The following PPFIA2 variants were observed in gnomAD, a reference collection of about 807,000 sequenced individuals.
PPFIA2 encodes liprin-alpha-2.
PPFIA2 carries 46 observed loss-of-function variants against 175.5 expected under a neutral mutation model. The ratio of observed to expected loss-of-function variants is 0.26; its 90% CI spans 0.21 to 0.34. The LOEUF (loss-of-function observed/expected upper bound fraction) is 0.34. Ranked by LOEUF, PPFIA2 falls within the 10% of genes least tolerant of loss-of-function variation. The pLI, the probability that PPFIA2 is intolerant of heterozygous loss-of-function variation, is 1.00. For synonymous variants in PPFIA2, 568 were observed against 511.4 expected, an observed-to-expected ratio of 1.11 and a Z score of -1.49; for missense variants, 1,179 against 1,506.1, an observed-to-expected ratio of 0.78 and a Z score of 3.60.
intron 4 of PPFIA2, among the ~76,000 whole-genome samples, chr12:81,513,341 G>A (rs1017438520): frequency 6.6e-6 from 1 of 152,004 alleles, no homozygotes; most frequent in Non-Finnish European, 1.5e-5. Flanking sequence ...AAACAGTATG[G>A]AAATTCCACA....
At chr12:81,575,281 C>A (rs2073310764) in intron 4 of PPFIA2, among the ~76,000 whole-genome samples, 1 of 151,706 alleles carries the variant, frequency 6.6e-6, no homozygotes, top group Admixed American at 6.6e-5. Context: ...GTAATCGTTC[C>A]ACCAAATGAT....
At chr12:81,322,081 C>T (rs1187970583) in intron 22 of PPFIA2, among the ~76,000 whole-genome samples, 2 of 152,152 alleles carry the variant, frequency 1.3e-5, no homozygotes, top group Non-Finnish European at 2.9e-5. Flanking sequence ...GAGCAGTTCT[C>T]CCACCTCAGC....
intron 9 of PPFIA2, among the ~76,000 whole-genome samples, chr12:81,379,416 G>A (rs1718436226): frequency 6.6e-6 from 1 of 152,084 alleles, no homozygotes. Context: ...AGGCAACACT[G>A]AGATGTATTT....
intron 4 of PPFIA2, among the ~76,000 whole-genome samples, chr12:81,464,343 A>T (rs2055190341): frequency 6.6e-6 from 1 of 152,154 alleles, no homozygotes; most frequent in Non-Finnish European, 1.5e-5. Context: ...CACAGATGAG[A>T]AAAGTAGAAG....
intron 4 of PPFIA2, among the ~76,000 whole-genome samples, chr12:81,614,181 G>A (rs1177027793): frequency 2.6e-5 from 4 of 152,078 alleles, no homozygotes; most frequent in Admixed American, 1.3e-4. Flanking sequence ...TGCACACACA[G>A]TATGCTAATC....
At chr12:81,412,511 A>G (rs2044171652) in intron 7 of PPFIA2, among the ~76,000 whole-genome samples, 1 of 151,916 alleles carries the variant, frequency 6.6e-6, no homozygotes, top group South Asian at 2.1e-4. Flanking sequence ...TCTTGGTAAA[A>G]GACCCTGAGA....
chr12:81,609,089 A>G (rs1181110824), intron 4 of PPFIA2, among the ~76,000 whole-genome samples: 1 of 138,678 alleles, frequency 7.2e-6, no homozygotes, highest in Non-Finnish European at 1.5e-5. Context: ...TTTGTATACT[A>G]TAGATTTTTT....
chr12:81,662,236 C>A (rs529868281), intron 4 of PPFIA2, among the ~76,000 whole-genome samples: 1 of 151,884 alleles, frequency 6.6e-6, no homozygotes, highest in Non-Finnish European at 1.5e-5. Flanking sequence ...ATAAAAAAAC[C>A]CTTCAAAAAA....
At chr12:81,413,628 A>G (rs1355605808) in intron 7 of PPFIA2, among the ~76,000 whole-genome samples, 1 of 151,804 alleles carries the variant, frequency 6.6e-6, no homozygotes, top group African/African-American at 2.4e-5. Context: ...AGTAATAGGC[A>G]ATTTCATTGC....
intron 22 of PPFIA2, chr12:81,312,247 C>A (rs2051109040): frequency 1.5e-6 from 2 of 1,322,838 alleles, no homozygotes; most frequent in Non-Finnish European, 1.0e-6. Flanking sequence ...CCAAAGAAAA[C>A]CATGGAATAA....
chr12:81,290,383 G>C (rs889282380), intron 24 of PPFIA2, among the ~76,000 whole-genome samples: 3 of 151,838 alleles, frequency 2.0e-5, no homozygotes, highest in Middle Eastern at 6.8e-3. Context: ...AATGCAAATT[G>C]TATTGGAAAT....
chr12:81,375,857 A>T lies in PPFIA2; in HGVS notation c.1070T>A (p.Ile357Lys), dbSNP rs1161706418. Residue 357 changes from isoleucine to lysine, a missense_variant, in exon 10 of 33, where the codon ATA becomes AAA. Physicochemically the swap from Ile to Lys is moderately radical, Grantham distance 102. This residue lies in a region of PPFIA2 where 226 missense variants were observed against 216.6 expected (regional missense o/e 1.04). Coordinates refer to ENST00000549396, the MANE Select transcript of PPFIA2 (RefSeq NM_003625.5). The stretch of plus-strand genomic sequence containing the variant: ...TTCTAGTTTATCATTCATGTCATGT[A>T]TGGAGGTAGATTCTCTCTGAGCACT... ...YLSAQRESTS[I>K]HDMNDKLENE... 1 of 1,608,262 alleles carries T rather than the reference A, an allele frequency of 6.2e-7. No homozygotes were observed. The highest frequency in any genetic ancestry group is 1.7e-5 in the Admixed American group (1 of 59,940).
At position 81,348,635 on chromosome 12, in the gene PPFIA2, C is replaced by T. The variant is rs1177961321; in HGVS notation, c.1995-865G>A. ...CCTGTAATCCCAGCTACTCGGGAGG[C>T]TGAAGCAGGAGAATCGCTTGAACCC... On this transcript the variant is annotated intron_variant, in intron 17 of 32. Coordinates refer to ENST00000549396, the MANE Select transcript of PPFIA2 (RefSeq NM_003625.5). Among the ~76,000 whole-genome samples, 16 of 152,142 alleles carry T rather than the reference C, an allele frequency of 1.1e-4. No homozygotes were observed. In the East Asian group the frequency reaches 2.5e-3, roughly 24 times the overall value.
chr12:81,438,043 T>A (rs902285915), intron 7 of PPFIA2, among the ~76,000 whole-genome samples: 5 of 152,150 alleles, frequency 3.3e-5, no homozygotes, highest in African/African-American at 1.2e-4. Flanking sequence ...GTTTTAACAC[T>A]ACTAGCCTTT....
chr12:81,661,526 C>T (rs1165699387), intron 4 of PPFIA2, among the ~76,000 whole-genome samples: 1 of 152,184 alleles, frequency 6.6e-6, no homozygotes, highest in East Asian at 1.9e-4. Context: ...GCGCCCAATA[C>T]AGGAACACCC....
In PPFIA2 at chr12:81,263,384, C is replaced by T; in HGVS notation, c.3562G>A (p.Asp1188Asn). 2 of 1,612,660 alleles carry T rather than the reference C, an allele frequency of 1.2e-6. No individual in the cohort carries two copies. The highest frequency in any genetic ancestry group is 1.7e-5 in the Admixed American group (1 of 59,994). The change falls in exon 31 of 33, where the codon GAC becomes AAC. Residue 1188 changes from aspartate (D) to asparagine (N), a missense_variant. Coordinates refer to ENST00000549396, the MANE Select transcript of PPFIA2 (RefSeq NM_003625.5). ...GTTGATCCACGTCTGAAGTTCTTGTCATCACTCTGCCAGTACAGTTATAAG... is the reference window on the plus strand; with the variant it reads ...GTTGATCCACGTCTGAAGTTCTTGTTATCACTCTGCCAGTACAGTTATAAG... ...GTERRLDESD[D>N]KNFRRGSTWR...
intron 3 of PPFIA2, among the ~76,000 whole-genome samples, chr12:81,705,656 G>T (rs954988221): frequency 1.3e-5 from 2 of 151,994 alleles, no homozygotes; most frequent in Non-Finnish European, 2.9e-5. Context: ...GGGGAGTAAA[G>T]ATTTTCTCCA....
intron 3 of PPFIA2, among the ~76,000 whole-genome samples, chr12:81,731,280 T>A (rs890203765): frequency 6.6e-6 from 1 of 151,554 alleles, no homozygotes; most frequent in African/African-American, 2.4e-5. Flanking sequence ...TCTGGAGAGA[T>A]TGAGATGGAA....
intron 4 of PPFIA2, among the ~76,000 whole-genome samples, chr12:81,515,762 A>G (rs1245349382): frequency 6.6e-6 from 1 of 152,084 alleles, no homozygotes; most frequent in Non-Finnish European, 1.5e-5. Context: ...CAAATCAGAA[A>G]TCTGGGAGTC....
Sources: gnomAD v4.1 joint callset for allele counts (sites outside exome capture counted in the v4.1 genomes callset) on GRCh38, gnomAD v4.1.1 for gene constraint, gnomAD v4.1.1 regional missense constraint, MANE v1.5 for transcripts, NCBI Gene and HGNC (gene_info 2026-07-23, HGNC 2026-07-21) for gene names.